The following GRIK4 variants were observed in gnomAD, a reference collection of about 807,000 sequenced individuals.
The protein encoded by GRIK4 is glutamate receptor ionotropic, kainate 4.
A neutral mutation model predicts 104.9 loss-of-function variants in GRIK4; 40 were observed. The ratio of observed to expected loss-of-function variants is 0.38; its 90% CI spans 0.30 to 0.50. The LOEUF is 0.50. GRIK4 is among the 20% of genes least tolerant of loss of function. GRIK4 has a pLI of 0.93. For missense variants in GRIK4, 1,047 were observed against 1,308.1 expected, an observed-to-expected ratio of 0.80 and a Z score of 3.08; for synonymous variants, 485 against 524.9, an observed-to-expected ratio of 0.92 and a Z score of 1.04.
intron 1 of GRIK4, among the ~76,000 whole-genome samples, chr11:120,519,888 TTTTG>T (rs1191027857): frequency 8.7e-5 from 13 of 149,540 alleles, no homozygotes; most frequent in East Asian, 7.8e-4. Flanking sequence ...TTGTTTTTTT[TTTTG>T]TTGTTGTTGT....
At chr11:120,929,043 CTG>C (rs1205815512) in intron 13 of GRIK4, among the ~76,000 whole-genome samples, 2 of 148,930 alleles carry the variant, frequency 1.3e-5, no homozygotes, top group Non-Finnish European at 3.0e-5. Flanking sequence ...GTGTGTGTGT[CTG>C]TGTGTTGGCA....
At chr11:120,533,941 A>C (rs1481986572) in intron 1 of GRIK4, among the ~76,000 whole-genome samples, 2 of 152,236 alleles carry the variant, frequency 1.3e-5, no homozygotes, top group Non-Finnish European at 2.9e-5. Flanking sequence ...CCACTGAAAA[A>C]TTTTAAACAG....
rs796173721 is a variant in GRIK4 at position 120,644,059 on chromosome 11, G to GAGAGGAGA, written c.-158-9626_-158-9625insAGAGGAGA. 2.3e-3 allele frequency among the ~76,000 whole-genome samples: 283 copies of GAGAGGAGA among 121,096 alleles called. 1 individual carries two copies. The highest frequency in any genetic ancestry group is 9.7e-3 in the African/African-American group (266 of 27,552). 79.4% of individuals were successfully genotyped at this position (121,096 alleles called of 152,430 possible). The stretch of plus-strand genomic sequence containing the variant: ...TGTGTGTGTGTGAGAGAGAGAGAGA[G>GAGAGGAGA]GAGAGAGAGAGAGAGAGAGAGAAAG... On this transcript the variant is annotated intron_variant, in intron 1 of 20. Coordinates refer to ENST00000527524, the MANE Select transcript of GRIK4 (RefSeq NM_014619.5).
At chr11:120,818,570 T>G (rs1297151638) in intron 5 of GRIK4, among the ~76,000 whole-genome samples, 2 of 152,234 alleles carry the variant, frequency 1.3e-5, no homozygotes, top group African/African-American at 4.8e-5. Flanking sequence ...GTTTTTCCCC[T>G]AGTTTCTGCT....
rs756272659 is a variant in GRIK4, at chr11:120,985,874, G to T, written c.2515-30G>T. On this transcript the variant is annotated intron_variant, in intron 20 of 20. Coordinates refer to ENST00000527524, the MANE Select transcript of GRIK4 (RefSeq NM_014619.5). ...GGGGCCCACGGGGGCTGGTTGAGAG[G>T]CTGGGCCCTGACCTCGCTGTCTCCT... is the stretch of plus-strand genomic sequence containing the variant. The T allele has an allele frequency of 6.5e-6, 10 of 1,549,040 alleles. No homozygotes were observed. The African/African-American group carries it at 1.2e-4, about 19-fold the overall frequency.
chr11:120,918,373 C>G (rs182059196), intron 13 of GRIK4, among the ~76,000 whole-genome samples: 1 of 152,352 alleles, frequency 6.6e-6, no homozygotes, highest in Non-Finnish European at 1.5e-5. Context: ...GTGCCTGCCT[C>G]TAGATGCATT....
intron 3 of GRIK4, among the ~76,000 whole-genome samples, chr11:120,671,647 A>T (rs928310366): frequency 6.6e-6 from 1 of 152,170 alleles, no homozygotes; most frequent in Admixed American, 6.6e-5. Context: ...AGATGGATAG[A>T]TTGCAAAAAT....
chr11:120,861,177 C>T (rs1271066289), intron 8 of GRIK4, among the ~76,000 whole-genome samples: 3 of 139,202 alleles, frequency 2.2e-5, no homozygotes, highest in African/African-American at 5.4e-5. Flanking sequence ...GGCACAATCT[C>T]GGCTCACTGC....
rs1471883432 is a variant in GRIK4, at chr11:120,819,331, A to G, written c.346-424A>G. Among the ~76,000 whole-genome samples, 3 of 152,016 alleles carry G rather than the reference A, an allele frequency of 2.0e-5. No homozygotes were observed. Among genetic ancestry groups the G allele is most frequent in the East Asian group, 3.9e-4 (2 of 5,192 alleles). ...CTCTTCTCTTAGTCCCAGGGTAGCG[A>G]TTTTTCTCTTTCTGCCGTCTCTGCT... is the stretch of plus-strand genomic sequence containing the variant. On this transcript the variant is annotated intron_variant, in intron 5 of 20. Coordinates refer to ENST00000527524, the MANE Select transcript of GRIK4 (RefSeq NM_014619.5). The surrounding 1 kb of genome is among the most constrained non-coding windows in gnomAD (Gnocchi z 4.3).
chr11:120,750,595 C>A (rs1038380351), intron 3 of GRIK4, among the ~76,000 whole-genome samples: 2 of 152,078 alleles, frequency 1.3e-5, no homozygotes, highest in African/African-American at 4.8e-5. Context: ...TCTCAAACTC[C>A]TGACCTCAAG....
At chr11:120,601,518 C>T (rs1948886462) in intron 1 of GRIK4, among the ~76,000 whole-genome samples, 2 of 152,036 alleles carry the variant, frequency 1.3e-5, no homozygotes, top group Admixed American at 1.3e-4. Context: ...GTTTAAAGAT[C>T]AGGTCCCTCT....
intron 3 of GRIK4, among the ~76,000 whole-genome samples, chr11:120,795,304 G>A (rs1278751964): frequency 6.6e-6 from 1 of 152,134 alleles, no homozygotes; most frequent in Non-Finnish European, 1.5e-5. Flanking sequence ...AATGTGTGGA[G>A]GGAGAGCCAG....
At chr11:120,958,417 G>A (rs903125464) in intron 16 of GRIK4, among the ~76,000 whole-genome samples, 1 of 152,238 alleles carries the variant, frequency 6.6e-6, no homozygotes, top group Non-Finnish European at 1.5e-5. Context: ...CCCGACTCCA[G>A]GTGGTCACTG....
chr11:120,875,569 C>T (rs1228069833), intron 11 of GRIK4, among the ~76,000 whole-genome samples: 2 of 152,154 alleles, frequency 1.3e-5, no homozygotes, highest in African/African-American at 4.8e-5. Context: ...CATTTAGACT[C>T]CAGGGAGCCT....
intron 3 of GRIK4, among the ~76,000 whole-genome samples, chr11:120,689,204 A>G (rs897344095): frequency 2.6e-5 from 4 of 152,070 alleles, no homozygotes; most frequent in Non-Finnish European, 2.9e-5. Flanking sequence ...ACATAATTCT[A>G]TGGAAACCGG....
chr11:120,793,089 G>A (rs539964669), intron 3 of GRIK4, among the ~76,000 whole-genome samples: 11 of 152,296 alleles, frequency 7.2e-5, no homozygotes, highest in African/African-American at 2.4e-4. Context: ...GTTGTAAGTC[G>A]TATTGCCAGC....
chr11:120,839,820 T>G (rs1953669728), intron 8 of GRIK4, among the ~76,000 whole-genome samples: 1 of 152,244 alleles, frequency 6.6e-6, no homozygotes, highest in South Asian at 2.1e-4. Flanking sequence ...TGAATTAGGT[T>G]GACTGCTGTG....
intron 1 of GRIK4, among the ~76,000 whole-genome samples, chr11:120,631,224 A>G (rs1199536090): frequency 6.6e-6 from 1 of 152,214 alleles, no homozygotes; most frequent in African/African-American, 2.4e-5. Flanking sequence ...TGTATCTCCT[A>G]GTTCTGACAG....
chr11:120,711,099 C>A (rs1166286607), intron 3 of GRIK4, among the ~76,000 whole-genome samples: 1 of 152,024 alleles, frequency 6.6e-6, no homozygotes, highest in African/African-American at 2.4e-5. Flanking sequence ...CAGTGAGCTC[C>A]AAGTCAGTGT....
Sources: allele counts gnomAD v4.1 joint callset (sites outside exome capture counted in the v4.1 genomes callset), GRCh38; gene constraint gnomAD v4.1.1; non-coding constraint Gnocchi (gnomAD v3.1); transcripts MANE v1.5; gene names NCBI Gene and HGNC (gene_info 2026-07-23, HGNC 2026-07-21).